Variants in THRB observed in about 807,000 individuals in gnomAD.
THRB encodes the protein nuclear receptor subfamily 1 group A member 2.
In THRB, 12 loss-of-function variants were observed where a neutral mutation model predicts 47.8. The observed-to-expected ratio is 0.25, with a 90% CI of 0.16 to 0.41. The LOEUF is 0.41. THRB is among the 10% of genes least tolerant of loss of function. The pLI is 1.00. For synonymous variants in THRB, 218 were observed against 212.2 expected (o/e 1.03, Z -0.24); for missense variants, 348 against 589.2 (o/e 0.59, Z 4.24).
At chr3:24,394,343 G>T (rs1334919392) in intron 1 of THRB, among the ~76,000 whole-genome samples, 3 of 152,114 alleles carry the variant, frequency 2.0e-5, no homozygotes, top group Non-Finnish European at 4.4e-5. Flanking sequence ...ACCTGAGTGA[G>T]AGCCAGTACT....
At chr3:24,439,812 G>T (rs9819977) in intron 1 of THRB, among the ~76,000 whole-genome samples, 8,630 of 152,248 alleles carry the variant, frequency 0.057, 833 homozygotes, top group African/African-American at 0.2. Flanking sequence ...AAGAGCCACA[G>T]TTCAGATTGT....
chr3:24,188,089 T>G (rs2149559812), intron 5 of THRB, among the ~76,000 whole-genome samples: 1 of 152,240 alleles, frequency 6.6e-6, no homozygotes, highest in South Asian at 2.1e-4. Context: ...TGAAAAAGAG[T>G]TGAATGAATG....
chr3:24,289,930 C>G (rs1305847702), intron 3 of THRB, among the ~76,000 whole-genome samples: 2 of 152,138 alleles, frequency 1.3e-5, no homozygotes, highest in African/African-American at 4.8e-5. Flanking sequence ...CCAGCAAAGG[C>G]CTCCAGTGTC....
At chr3:24,208,976 G>T (rs1365163103) in intron 4 of THRB, among the ~76,000 whole-genome samples, 1 of 152,030 alleles carries the variant, frequency 6.6e-6, no homozygotes, top group East Asian at 1.9e-4. Flanking sequence ...AATCTACAAA[G>T]AACTCAAACT....
intron 2 of THRB, among the ~76,000 whole-genome samples, chr3:24,318,049 G>A (rs138906998): frequency 6.0e-4 from 92 of 152,118 alleles, no homozygotes; most frequent in African/African-American, 2.2e-3. Context: ...AAAAAAGAAT[G>A]AACGAATGAA....
intron 7 of THRB, chr3:24,144,681 G>T (rs2035870161): frequency 6.6e-6 from 1 of 152,162 alleles, no homozygotes; most frequent in African/African-American, 2.4e-5. Flanking sequence ...GTTTTACATT[G>T]CAGAGTCATA....
intron 1 of THRB, among the ~76,000 whole-genome samples, chr3:24,404,290 C>T (rs1173702598): frequency 6.6e-6 from 1 of 151,872 alleles, no homozygotes; most frequent in Non-Finnish European, 1.5e-5. Flanking sequence ...TAACAGGGTA[C>T]AAAAAGTTCA....
chr3:24,409,389 C>T (rs1475901371), intron 1 of THRB, among the ~76,000 whole-genome samples: 2 of 151,774 alleles, frequency 1.3e-5, no homozygotes, highest in Non-Finnish European at 3.0e-5. Context: ...AATGCAAACC[C>T]TTTGTGATAA....
chr3:24,376,343 A>G (rs2065285078), intron 1 of THRB, among the ~76,000 whole-genome samples: 1 of 152,126 alleles, frequency 6.6e-6, no homozygotes, highest in South Asian at 2.1e-4. Flanking sequence ...GGGAAGTGGA[A>G]CCCAGAGAGC....
intron 2 of THRB, among the ~76,000 whole-genome samples, chr3:24,305,353 C>T (rs1039396746): frequency 1.3e-5 from 2 of 152,172 alleles, no homozygotes; most frequent in African/African-American, 4.8e-5. Flanking sequence ...AGCTGGCCTA[C>T]ATTTTATATA....
intron 3 of THRB, among the ~76,000 whole-genome samples, chr3:24,232,852 A>T (rs1159951325): frequency 6.6e-6 from 1 of 152,226 alleles, no homozygotes; most frequent in Non-Finnish European, 1.5e-5. Context: ...TGATATGAGC[A>T]TTTAACACTG....
At chr3:24,124,328 C>T (rs1010447117) in intron 10 of THRB, among the ~76,000 whole-genome samples, 2 of 152,188 alleles carry the variant, frequency 1.3e-5, no homozygotes, top group African/African-American at 4.8e-5. Context: ...AGCTGCTCTG[C>T]AGATTTGCTG....
chr3:24,261,318 T>C (rs947484635), intron 3 of THRB, among the ~76,000 whole-genome samples: 2 of 151,868 alleles, frequency 1.3e-5, no homozygotes, highest in African/African-American at 4.8e-5. Flanking sequence ...CTGGCCAACA[T>C]GGTGAAACCC....
chr3:24,228,369 T>G (rs533430379), intron 4 of THRB, among the ~76,000 whole-genome samples: 1 of 152,302 alleles, frequency 6.6e-6, no homozygotes, highest in East Asian at 1.9e-4. Flanking sequence ...TATTCCATTC[T>G]GACTCTACTG....
chr3:24,311,208 C>G (rs1424738199), intron 2 of THRB, among the ~76,000 whole-genome samples: 5 of 151,948 alleles, frequency 3.3e-5, no homozygotes, highest in African/African-American at 1.2e-4. Context: ...ATTACTTTGT[C>G]CAAAGTAGAT....
chr3:24,173,407 C>T (rs1305338498), intron 5 of THRB, among the ~76,000 whole-genome samples: 1 of 152,156 alleles, frequency 6.6e-6, no homozygotes, highest in Non-Finnish European at 1.5e-5. Flanking sequence ...CTCCATGTGG[C>T]CAATGCAGCT....
intron 4 of THRB, among the ~76,000 whole-genome samples, chr3:24,194,004 C>T (rs564325203): frequency 6.6e-6 from 1 of 152,298 alleles, no homozygotes; most frequent in East Asian, 1.9e-4. Flanking sequence ...GACTATTATT[C>T]TAAGTGAAGT....
intron 1 of THRB, among the ~76,000 whole-genome samples, chr3:24,389,960 T>A (rs2066432416): frequency 6.6e-6 from 1 of 152,170 alleles, no homozygotes; most frequent in East Asian, 1.9e-4. Context: ...AGGTAGCCAA[T>A]GACAGTATAA....
intron 1 of THRB, among the ~76,000 whole-genome samples, chr3:24,418,667 A>T (rs2068965062): frequency 6.6e-6 from 1 of 151,944 alleles, no homozygotes; most frequent in Non-Finnish European, 1.5e-5. Flanking sequence ...GATGTTGTAA[A>T]TAAGTAGGGT....
Sources: gnomAD v4.1 joint callset for allele counts (sites outside exome capture counted in the v4.1 genomes callset) on GRCh38, gnomAD v4.1.1 for gene constraint, MANE v1.5 for transcripts, NCBI Gene and HGNC (gene_info 2026-07-23, HGNC 2026-07-21) for gene names.